The following ERMARD variants were observed in gnomAD, a reference collection of about 807,000 sequenced individuals.
The protein encoded by ERMARD is ER membrane associated RNA degradation.
ERMARD carries 71 observed loss-of-function variants against 83.9 expected under a neutral mutation model. The observed-to-expected ratio is 0.85, with a 90% CI of 0.70 to 1.03. The LOEUF (loss-of-function observed/expected upper bound fraction) is 1.03, where lower values mean the gene tolerates loss of function less well. Among genes scored for constraint, ERMARD ranks in the 50% least tolerant of loss-of-function variants. The pLI is 0.00. For missense variants in ERMARD, 838 were observed against 810.9 expected (o/e 1.03, Z -0.41); for synonymous variants, 284 against 298.6 (o/e 0.95, Z 0.50).
intron 11 of ERMARD, among the ~76,000 whole-genome samples, chr6:169,769,204 G>A (rs751628112): frequency 1.3e-5 from 2 of 152,202 alleles, no homozygotes; most frequent in Non-Finnish European, 2.9e-5. Flanking sequence ...CAGGGGCTGT[G>A]CTCACACAAG....
intron 2 of ERMARD, among the ~76,000 whole-genome samples, chr6:169,754,993 TC>T (rs2128341190): frequency 6.6e-6 from 1 of 152,336 alleles, no homozygotes; most frequent in East Asian, 1.9e-4. Context: ...AGCCTGGTTT[TC>T]TGTATTCTTA....
rs778801668 is a variant in ERMARD, at chr6:169,769,611, C to G, written c.1131C>G (p.Ile377Met). ...GAGATCATTTAAGCCACGGGGAGATCAACTTACATGAATTTTCAAAAGAAA... is the reference window on the plus strand; with the variant it reads ...GAGATCATTTAAGCCACGGGGAGATGAACTTACATGAATTTTCAAAAGAAA... ...RIRDHLSHGE[I>M]NLHEFSKETT... The change falls in exon 12 of 18, where the codon ATC (isoleucine) becomes ATG (methionine). Residue 377 changes from isoleucine (I) to methionine (M), a missense_variant. Coordinates refer to ENST00000366773, the MANE Select transcript of ERMARD (RefSeq NM_018341.3). 11 of 1,613,306 alleles carry G rather than the reference C, an allele frequency of 6.8e-6. No homozygotes were observed. The highest frequency in any genetic ancestry group is 1.1e-5 in the South Asian group (1 of 90,814).
chr6:169,779,811 C>T (rs1237858507), intron 17 of ERMARD, among the ~76,000 whole-genome samples: 1 of 152,142 alleles, frequency 6.6e-6, no homozygotes, highest in Non-Finnish European at 1.5e-5. Flanking sequence ...GTTTCCAATT[C>T]GGGAAGTCCA....
chr6:169,774,235 A>T (rs1484087006), intron 13 of ERMARD, among the ~76,000 whole-genome samples: 1 of 152,196 alleles, frequency 6.6e-6, no homozygotes, highest in Non-Finnish European at 1.5e-5. Context: ...CCTCCTTGAG[A>T]ATGCCTTAAG....
intron 1 of ERMARD, chr6:169,753,460 C>T (rs2128339955): frequency 6.4e-6 from 1 of 155,524 alleles, no homozygotes; most frequent in South Asian, 2.0e-4. Context: ...ATTTTGATAA[C>T]TCTGGGATAG....
chr6:169,773,499 C>A, intron 13 of ERMARD, 97 bp downstream of exon 13: 4 of 1,254,566 alleles, frequency 3.2e-6, no homozygotes, highest in South Asian at 2.6e-5. Flanking sequence ...CTTGCTGAGT[C>A]AGACTTTGAG....
chr6:169,780,190 T>C (rs1395383753), intron 17 of ERMARD, among the ~76,000 whole-genome samples: 1 of 152,172 alleles, frequency 6.6e-6, no homozygotes, highest in African/African-American at 2.4e-5. Context: ...ACTGCTGGCA[T>C]TGTGGGCTGG....
In ERMARD at chr6:169,776,048, TC is replaced by T. The variant is rs769624412; in HGVS notation, c.1504del (p.Arg502ValfsTer55). ...ENRCVLKDLDRLPTETWPQLL... is the reference protein window; with the variant it reads ...ENRCVLKDLDXLPTETWPQLL... ...ATCGTTGTGTGTTAAAGGACTTGGATCGTCTTCCTACTGAGACGTAAGTTCC... is the reference window on the plus strand; with the variant it reads ...ATCGTTGTGTGTTAAAGGACTTGGATGTCTTCCTACTGAGACGTAAGTTCC... On this transcript the variant is annotated frameshift_variant, in exon 15 of 18. Coordinates refer to ENST00000366773, the MANE Select transcript of ERMARD (RefSeq NM_018341.3). LOFTEE classifies it high-confidence loss of function. 3 of 1,613,910 alleles carry T rather than the reference TC, an allele frequency of 1.9e-6. No homozygotes were observed. The African/African-American group carries it at 4.0e-5, about 22-fold the overall frequency.
intron 1 of ERMARD, 112 bp downstream of exon 1, chr6:169,751,775 C>T (rs1055219108): frequency 5.1e-6 from 7 of 1,385,738 alleles, no homozygotes; most frequent in Non-Finnish European, 6.6e-6. Context: ...CTGCGGTGGC[C>T]GGCGGTCCCG....
chr6:169,781,393 C>G lies in ERMARD; in HGVS notation c.1917C>G (p.Asn639Lys), dbSNP rs780809667. The change falls in exon 18 of 18, where the codon AAC becomes AAG. Residue 639 changes from asparagine to lysine, a missense_variant. Physicochemically the swap from Asn to Lys is moderately conservative, Grantham distance 94. Coordinates refer to ENST00000366773, the MANE Select transcript of ERMARD (RefSeq NM_018341.3). ...TGGCTTACACCAGTTACGAAAAGAA[C>G]AAGTGGAATGAAACTATCAATCTTA... ...NLVAYTSYEK[N>K]KWNETINLTH... 1.2e-6 allele frequency: 2 copies of G among 1,613,182 alleles called. No homozygotes were observed. The highest frequency in any genetic ancestry group is 1.7e-6 in the Non-Finnish European group (2 of 1,179,756).
intron 10 of ERMARD, chr6:169,767,725 C>T: frequency 4.2e-6 from 1 of 240,218 alleles, no homozygotes; most frequent in Non-Finnish European, 8.2e-6. Flanking sequence ...CATATACACA[C>T]ACAGGCATAC....
chr6:169,753,119 C>A (rs1790350204), intron 1 of ERMARD: 1 of 152,928 alleles, frequency 6.5e-6, no homozygotes, highest in Non-Finnish European at 1.5e-5. Flanking sequence ...AAGGTAGATA[C>A]ATATTCGGAA....
At chr6:169,757,174 C>T (rs1351004535) in intron 5 of ERMARD, among the ~76,000 whole-genome samples, 5 of 152,158 alleles carry the variant, frequency 3.3e-5, no homozygotes, top group African/African-American at 9.7e-5. Context: ...TGGGTGGGGA[C>T]ACAGCCAAAC....
At chr6:169,756,605 G>T in intron 4 of ERMARD, 114 bp from the exon 5 acceptor site, 1 of 979,708 alleles carries the variant, frequency 1.0e-6, no homozygotes, top group South Asian at 1.6e-5. Flanking sequence ...TCAAAGGATT[G>T]GTGTCTAAGT....
upstream of ERMARD, chr6:169,751,544 T>A: frequency 2.5e-6 from 4 of 1,610,498 alleles, no homozygotes; most frequent in Non-Finnish European, 3.4e-6. Context: ...GGCGGAAGTC[T>A]CCCACCTGCG....
At chr6:169,751,553 C>T (rs1790079068), upstream of ERMARD, 19 of 1,610,082 alleles carry the variant, frequency 1.2e-5, no homozygotes, top group Non-Finnish European at 1.6e-5. Context: ...CTCCCACCTG[C>T]GCCTCGTACG....
intron 8 of ERMARD, 50 bp downstream of exon 8, chr6:169,760,806 C>A: frequency 8.0e-7 from 1 of 1,243,934 alleles, no homozygotes; most frequent in Non-Finnish European, 1.2e-6. Flanking sequence ...GGAGGCCATT[C>A]TTTCTTGATG....
At chr6:169,774,687 C>A (rs1342009058) in intron 13 of ERMARD, among the ~76,000 whole-genome samples, 1 of 152,252 alleles carries the variant, frequency 6.6e-6, no homozygotes, top group Non-Finnish European at 1.5e-5. Flanking sequence ...TGTACTTGCT[C>A]ATACGCTAGT....
Position 169,765,004 on chromosome 6 carries a change from C to T in ERMARD, c.961-1634C>T, listed in dbSNP as rs1370166833. Among the ~76,000 whole-genome samples the T allele has an allele frequency of 6.6e-5, 10 of 152,352 alleles. No individual in the cohort carries two copies. The East Asian group carries it at 1.2e-3, about 18-fold the overall frequency. ...GCGGGTTCTCTGAGGCAGGCCTACA[C>T]GTTGCTGTCGCCTGCTGCCCATGCC... On this transcript the variant is annotated intron_variant, in intron 9 of 17. Coordinates refer to ENST00000366773, the MANE Select transcript of ERMARD (RefSeq NM_018341.3).
Sources: allele counts gnomAD v4.1 joint callset (sites outside exome capture counted in the v4.1 genomes callset), GRCh38; gene constraint gnomAD v4.1.1; transcripts MANE v1.5; gene names NCBI Gene and HGNC (gene_info 2026-07-23, HGNC 2026-07-21).